The following SCMH1 variants were observed in gnomAD, a reference collection of about 807,000 sequenced individuals.
SCMH1 encodes the protein polycomb protein SCMH1.
In SCMH1, 37 loss-of-function variants were observed where a neutral mutation model predicts 70.8. That is an observed-to-expected ratio of 0.52 (90% confidence interval 0.40 to 0.69). The LOEUF (loss-of-function observed/expected upper bound fraction) is 0.69, where lower values mean the gene tolerates loss of function less well. Among genes scored for constraint, SCMH1 ranks in the 30% least tolerant of loss-of-function variants. SCMH1 has a pLI of 0.00. For missense variants in SCMH1, 607 were observed against 827.3 expected, an observed-to-expected ratio of 0.73 and a Z score of 3.27; for synonymous variants, 292 against 307.4, an observed-to-expected ratio of 0.95 and a Z score of 0.52.
At chr1:41,158,067 T>C (rs1395509773) in intron 4 of SCMH1, among the ~76,000 whole-genome samples, 5 of 152,102 alleles carry the variant, frequency 3.3e-5, no homozygotes, top group Admixed American at 2.0e-4. Flanking sequence ...AGAGAGCAAA[T>C]CTGAGTTTAA....
intron 13 of SCMH1, among the ~76,000 whole-genome samples, chr1:41,032,029 C>T (rs1472441040): frequency 6.6e-6 from 1 of 152,104 alleles, no homozygotes; most frequent in Admixed American, 6.6e-5. Context: ...CTCCCTTGCC[C>T]CTTTGGCTGT....
chr1:41,186,811 TA>T (rs1650339113), intron 1 of SCMH1, among the ~76,000 whole-genome samples: 1 of 152,198 alleles, frequency 6.6e-6, no homozygotes, highest in Non-Finnish European at 1.5e-5. Context: ...GTGTCATCTA[TA>T]AGCTAAGGAG....
intron 8 of SCMH1, among the ~76,000 whole-genome samples, chr1:41,089,250 C>T (rs1662616859): frequency 6.6e-6 from 1 of 152,300 alleles, no homozygotes; most frequent in African/African-American, 2.4e-5. Context: ...ACTTGAAAAT[C>T]TATTAGACAT....
At chr1:41,152,877 T>G (rs933730721) in intron 4 of SCMH1, 4 of 813,656 alleles carry the variant, frequency 4.9e-6, no homozygotes, top group Non-Finnish European at 7.3e-6. Context: ...CTAAGCCAAA[T>G]AGATTTGGCC....
chr1:41,101,404 T>C (rs973335060), intron 8 of SCMH1, among the ~76,000 whole-genome samples: 4 of 152,196 alleles, frequency 2.6e-5, no homozygotes, highest in Non-Finnish European at 5.9e-5. Flanking sequence ...CTATGACTTT[T>C]TACTTTCCTC....
chr1:41,041,415 C>G (rs1370336927), intron 12 of SCMH1: 1 of 151,714 alleles, frequency 6.6e-6, no homozygotes, highest in Non-Finnish European at 1.5e-5. Flanking sequence ...ATACAGGTAG[C>G]TAAAAATATT....
chr1:41,108,922 G>C (rs1268715906), intron 8 of SCMH1, among the ~76,000 whole-genome samples: 1 of 152,166 alleles, frequency 6.6e-6, no homozygotes, highest in Non-Finnish European at 1.5e-5. Context: ...GCCTGGCTGG[G>C]ACTAGAACCC....
chr1:41,147,367 A>G (rs1644680136), intron 5 of SCMH1, among the ~76,000 whole-genome samples: 1 of 152,208 alleles, frequency 6.6e-6, no homozygotes, highest in Non-Finnish European at 1.5e-5. Context: ...ACCATTAAGT[A>G]AGATATTCTT....
intron 8 of SCMH1, among the ~76,000 whole-genome samples, chr1:41,112,460 T>A (rs1669482269): frequency 6.6e-6 from 1 of 152,182 alleles, no homozygotes. Flanking sequence ...ACTGTCATCA[T>A]CTGTATCATT....
chr1:41,033,998 G>T, intron 13 of SCMH1: 1 of 1,614,088 alleles, frequency 6.2e-7, no homozygotes, highest in South Asian at 1.1e-5. Flanking sequence ...GAACGATTTA[G>T]TTTCCAAAAT....
chr1:41,028,273 A>T (rs1265422295), exon 15 of SCMH1: 1 of 1,613,986 alleles, frequency 6.2e-7, no homozygotes, highest in South Asian at 1.1e-5. Context: ...CATGTACTTC[A>T]TCATCATGTC....
chr1:41,051,091 A>C (rs1001885189), intron 10 of SCMH1, among the ~76,000 whole-genome samples: 3 of 152,204 alleles, frequency 2.0e-5, no homozygotes, highest in Non-Finnish European at 4.4e-5. Context: ...AGAGATACAA[A>C]TTGTGGTACA....
At chr1:41,223,663 T>G (rs889039852) in intron 1 of SCMH1, among the ~76,000 whole-genome samples, 4 of 152,156 alleles carry the variant, frequency 2.6e-5, no homozygotes, top group Non-Finnish European at 5.9e-5. Context: ...AAGTACTGAT[T>G]GTATATGATG....
chr1:41,178,932 G>A (rs375909767), intron 2 of SCMH1, among the ~76,000 whole-genome samples: 2 of 152,008 alleles, frequency 1.3e-5, no homozygotes, highest in Non-Finnish European at 2.9e-5. Context: ...CAGAATATAC[G>A]TTCTTCTCAG....
chr1:41,186,236 T>G, exon 2 of SCMH1: 1 of 700,896 alleles, frequency 1.4e-6, no homozygotes, highest in East Asian at 2.8e-5. Flanking sequence ...TTTCTTTGTA[T>G]GCTAATTTCT....
At chr1:41,088,213 CT>C (rs528810830) in intron 8 of SCMH1, among the ~76,000 whole-genome samples, 12 of 151,962 alleles carry the variant, frequency 7.9e-5, no homozygotes, top group Non-Finnish European at 1.6e-4. Context: ...AATTTGCTTA[CT>C]TTTGTAAAAT....
chr1:41,128,100 T>C (rs1043007293), intron 6 of SCMH1, among the ~76,000 whole-genome samples: 2 of 152,246 alleles, frequency 1.3e-5, no homozygotes, highest in Non-Finnish European at 2.9e-5. Flanking sequence ...CCTATTCATG[T>C]GCCAGTTCCA....
intron 10 of SCMH1, among the ~76,000 whole-genome samples, chr1:41,061,523 A>T (rs74071143): frequency 0.011 from 1,741 of 152,290 alleles, 35 homozygotes; most frequent in African/African-American, 0.04. Context: ...TTCTCCAAGA[A>T]GACATATCAT....
At chr1:41,086,116 A>T (rs774436032) in intron 8 of SCMH1, among the ~76,000 whole-genome samples, 2 of 152,126 alleles carry the variant, frequency 1.3e-5, no homozygotes, top group Middle Eastern at 6.3e-3. Flanking sequence ...TGGGATTACA[A>T]GCATGAGCCA....
Sources: gnomAD v4.1 joint callset for allele counts (sites outside exome capture counted in the v4.1 genomes callset) on GRCh38, gnomAD v4.1.1 for gene constraint, MANE v1.5 for transcripts, NCBI Gene and HGNC (gene_info 2026-07-23, HGNC 2026-07-21) for gene names.